The following CSNK1G1 variants were observed in gnomAD, a reference collection of about 807,000 sequenced individuals.
CSNK1G1 encodes casein kinase 1 gamma 1.
Under a neutral mutation model 59.6 loss-of-function variants are expected in CSNK1G1, and 22 were observed. That is an observed-to-expected ratio of 0.37 (90% CI 0.26 to 0.53). The LOEUF (loss-of-function observed/expected upper bound fraction) is 0.53. Ranked by LOEUF, CSNK1G1 falls within the 20% of genes least tolerant of loss-of-function variation. CSNK1G1 has a pLI of 0.89. For missense variants in CSNK1G1, 384 were observed against 519.5 expected, an observed-to-expected ratio of 0.74 and a Z score of 2.54; for synonymous variants, 179 against 177.1, an observed-to-expected ratio of 1.01 and a Z score of -0.08.
At chr15:64,263,588 T>C (rs997925165) in intron 2 of CSNK1G1, among the ~76,000 whole-genome samples, 4 of 152,206 alleles carry the variant, frequency 2.6e-5, no homozygotes, top group African/African-American at 9.6e-5. Context: ...TAGCCCCTTC[T>C]GCATCCCACC....
At chr15:64,248,917 G>T (rs1053819171) in intron 4 of CSNK1G1, among the ~76,000 whole-genome samples, 1 of 150,804 alleles carries the variant, frequency 6.6e-6, no homozygotes, top group Admixed American at 6.6e-5. Context: ...TCAGGAGATC[G>T]AGACCATCCT....
chr15:64,351,536 T>A (rs1898285061), intron 1 of CSNK1G1, among the ~76,000 whole-genome samples: 1 of 152,192 alleles, frequency 6.6e-6, no homozygotes. Context: ...ACAATTAAGA[T>A]AGAATTTTTT....
chr15:64,253,431 T>C (rs1024405402), intron 3 of CSNK1G1, among the ~76,000 whole-genome samples: 3 of 152,110 alleles, frequency 2.0e-5, no homozygotes, highest in South Asian at 2.1e-4. Flanking sequence ...CAAGTGTTGA[T>C]GAGGATGTGG....
chr15:64,343,019 C>A (rs1393604332), intron 1 of CSNK1G1, among the ~76,000 whole-genome samples: 2 of 152,088 alleles, frequency 1.3e-5, no homozygotes, highest in Non-Finnish European at 2.9e-5. Context: ...TCTTGACCAG[C>A]CTGACCAACA....
intron 4 of CSNK1G1, among the ~76,000 whole-genome samples, chr15:64,222,234 C>T (rs2082396903): frequency 6.8e-6 from 1 of 147,342 alleles, no homozygotes; most frequent in Non-Finnish European, 1.5e-5. Context: ...ATTGAGAACA[C>T]ATGGACACAG....
chr15:64,352,560 C>A (rs1196625745), intron 1 of CSNK1G1, among the ~76,000 whole-genome samples: 12 of 140,072 alleles, frequency 8.6e-5, no homozygotes, highest in Admixed American at 7.1e-4. Context: ...ATTCTCTTGC[C>A]TCAGCCTCCC....
chr15:64,320,077 G>A (rs957072610), intron 1 of CSNK1G1, among the ~76,000 whole-genome samples: 21 of 151,656 alleles, frequency 1.4e-4, no homozygotes, highest in African/African-American at 4.6e-4. Context: ...GCTAATTTTT[G>A]TTTAGTTTTT....
intron 6 of CSNK1G1, among the ~76,000 whole-genome samples, chr15:64,207,829 T>A (rs1435999266): frequency 6.6e-6 from 1 of 152,196 alleles, no homozygotes; most frequent in Non-Finnish European, 1.5e-5. Flanking sequence ...AAATTCTGAA[T>A]TAAAACCAAG....
intron 2 of CSNK1G1, among the ~76,000 whole-genome samples, chr15:64,291,570 A>G (rs1301794471): frequency 6.6e-6 from 1 of 152,180 alleles, no homozygotes. Flanking sequence ...CCTGGGCAAC[A>G]AGAGTGAAAC....
intron 11 of CSNK1G1, among the ~76,000 whole-genome samples, chr15:64,177,712 A>G (rs1483579480): frequency 1.3e-5 from 2 of 152,260 alleles, no homozygotes; most frequent in Non-Finnish European, 2.9e-5. Flanking sequence ...GAATGAGCCC[A>G]TATCTTACAC....
chr15:64,180,351 G>GCTT lies in CSNK1G1; in HGVS notation c.1208_1210dup (p.Glu403dup), dbSNP rs751345729. 1.2e-6 allele frequency: 2 copies of GCTT among 1,613,294 alleles called. No homozygotes were observed. Among genetic ancestry groups the GCTT allele is most frequent in the Admixed American group, 3.3e-5 (2 of 60,018 alleles). Reference sequence around the variant, plus strand: ...CCCCCTTGAAAGATGTACGTACTTAGCTTCCTCCACTACCTCCACCTCGGC... The same window carrying GCTT: ...CCCCCTTGAAAGATGTACGTACTTAGCTTCTTCCTCCACTACCTCCACCTCGGC... On this transcript the variant is annotated inframe_insertion, in exon 11 of 12. Coordinates refer to ENST00000303052, the MANE Select transcript of CSNK1G1 (RefSeq NM_022048.5).
chr15:64,243,679 T>C (rs962696327), intron 4 of CSNK1G1, among the ~76,000 whole-genome samples: 3 of 152,104 alleles, frequency 2.0e-5, no homozygotes, highest in Non-Finnish European at 4.4e-5. Context: ...ATTCTCAAAA[T>C]GAATTTAAAA....
At chr15:64,269,049 C>T (rs1893135898) in intron 2 of CSNK1G1, among the ~76,000 whole-genome samples, 1 of 151,982 alleles carries the variant, frequency 6.6e-6, no homozygotes. Flanking sequence ...ATTGTGCTGC[C>T]ATCACTCACT....
intron 4 of CSNK1G1, among the ~76,000 whole-genome samples, chr15:64,248,413 T>A (rs553046817): frequency 6.7e-6 from 1 of 148,826 alleles, no homozygotes; most frequent in South Asian, 2.1e-4. Flanking sequence ...GCTTATTAAA[T>A]CTTTCTAACT....
At position 64,245,086 on chromosome 15, in the gene CSNK1G1, C is replaced by T. The variant is rs192271252; in HGVS notation, c.292+6426G>A. Among the ~76,000 whole-genome samples, 186 of 149,640 alleles carry T rather than the reference C, an allele frequency of 1.2e-3. 1 individual carries two copies. Among genetic ancestry groups the T allele is most frequent in the African/African-American group, 4.5e-3 (182 of 40,670 alleles). Reference sequence around the variant, plus strand: ...AACTAGACCCCTATCTCTAACTATACAAAAAAAAACAAATCAAAATGGATT... The same window carrying T: ...AACTAGACCCCTATCTCTAACTATATAAAAAAAAACAAATCAAAATGGATT... On this transcript the variant is annotated intron_variant, in intron 4 of 11. Transcript: ENST00000303052.
At position 64,251,567 on chromosome 15, in the gene CSNK1G1, T is replaced by C. The variant is rs1430275469; in HGVS notation, c.237A>G (p.Ser79=). 1.9e-6 allele frequency: 3 copies of C among 1,612,152 alleles called. No homozygotes were observed. The African/African-American group carries it at 4.0e-5, about 22-fold the overall frequency. The part of the protein sequence containing the change: ...YVAIKLEPIK[S]RAPQLHLEYR... ...ACTCTAAATGAAGCTGTGGAGCACGTGATTTTATTGGTTCCTGAAATCCAA... is the reference window on the plus strand; with the variant it reads ...ACTCTAAATGAAGCTGTGGAGCACGCGATTTTATTGGTTCCTGAAATCCAA... The change falls in exon 4 of 12, where the codon TCA becomes TCG. Residue 79 remains serine, a synonymous_variant. Transcript: ENST00000303052.
At position 64,168,899 on chromosome 15, in the gene CSNK1G1, T is replaced by C. The variant is rs62024254; in HGVS notation, c.*3032A>G. Reference sequence around the variant, plus strand: ...GGGACCACTTTGAAGTGCCAATGGCTCTGGAGGGATCACCATTACTCTGCA... The same window carrying C: ...GGGACCACTTTGAAGTGCCAATGGCCCTGGAGGGATCACCATTACTCTGCA... On this transcript the variant is annotated 3_prime_UTR_variant, in exon 12 of 12. Coordinates refer to ENST00000303052, the MANE Select transcript of CSNK1G1 (RefSeq NM_022048.5). 29,217 of 152,322 alleles carry C rather than the reference T, an allele frequency of 0.19. 3,833 individuals carry two copies. The highest frequency in any genetic ancestry group is 0.38 in the African/African-American group (15,749 of 41,444). 9.4% of individuals were successfully genotyped at this position (152,322 alleles called of 1,614,324 possible).
chr15:64,189,933 C>T (rs2081948741), intron 10 of CSNK1G1, among the ~76,000 whole-genome samples: 1 of 151,988 alleles, frequency 6.6e-6, no homozygotes, highest in Non-Finnish European at 1.5e-5. Context: ...ACTCTTCTGC[C>T]TCAGCCTCCT....
At chr15:64,181,449 C>A in intron 10 of CSNK1G1, 1 of 1,506,704 alleles carries the variant, frequency 6.6e-7, no homozygotes, top group Non-Finnish European at 8.8e-7. Context: ...TGGGAGAGAA[C>A]ACAAAATAGG....
Sources: allele counts gnomAD v4.1 joint callset (sites outside exome capture counted in the v4.1 genomes callset), GRCh38; gene constraint gnomAD v4.1.1; transcripts MANE v1.5; gene names NCBI Gene and HGNC (gene_info 2026-07-23, HGNC 2026-07-21).